The following TAFA5 variants were observed in gnomAD, a reference collection of about 807,000 sequenced individuals.
The protein encoded by TAFA5 is TAFA chemokine like family member 5.
TAFA5 carries 6 observed loss-of-function variants against 15.3 expected under a neutral mutation model. The observed-to-expected ratio is 0.39, with a 90% CI of 0.21 to 0.77. TAFA5 has a LOEUF of 0.77. TAFA5 is among the 30% of genes least tolerant of loss of function. The pLI, the probability that TAFA5 is intolerant of heterozygous loss-of-function variation, is 0.41. For missense variants in TAFA5, 161 were observed against 193.1 expected, an observed-to-expected ratio of 0.83 and a Z score of 0.98; for synonymous variants, 103 against 80.7, an observed-to-expected ratio of 1.28 and a Z score of -1.48.
chr22:48,502,903 T>C (rs1281315965), intron 1 of TAFA5, among the ~76,000 whole-genome samples: 1 of 152,222 alleles, frequency 6.6e-6, no homozygotes, highest in Non-Finnish European at 1.5e-5. Flanking sequence ...CATTCCCTGA[T>C]AGCACATCCC....
intron 1 of TAFA5, chr22:48,576,332 G>T: frequency 2.5e-6 from 3 of 1,208,802 alleles, no homozygotes; most frequent in Non-Finnish European, 2.1e-6. Flanking sequence ...TCCCGGAGTG[G>T]CGCCTCCAGT....
At chr22:48,656,273 C>T (rs917041041) in intron 2 of TAFA5, among the ~76,000 whole-genome samples, 9 of 151,980 alleles carry the variant, frequency 5.9e-5, no homozygotes, top group African/African-American at 2.2e-4. Flanking sequence ...TGTGAATTGA[C>T]TTGTAATACT....
At chr22:48,746,343 C>A (rs1930327823) in intron 3 of TAFA5, among the ~76,000 whole-genome samples, 1 of 152,110 alleles carries the variant, frequency 6.6e-6, no homozygotes, top group Non-Finnish European at 1.5e-5. Context: ...GAGACATTGA[C>A]ATCAGCTGGA....
rs184305475 is a variant in TAFA5, at chr22:48,746,433, G to A, written c.391-3406G>A. On this transcript the variant is annotated intron_variant, in intron 3 of 3. Coordinates refer to ENST00000402357, the MANE Select transcript of TAFA5 (RefSeq NM_001082967.3). ...GGCTTGAGCCCAGGAGTTCAAGGCTGCAGTGAGCTGCAATCGCACCACTGC... is the reference window on the plus strand; with the variant it reads ...GGCTTGAGCCCAGGAGTTCAAGGCTACAGTGAGCTGCAATCGCACCACTGC... 4.3e-3 allele frequency among the ~76,000 whole-genome samples: 650 copies of A among 152,220 alleles called. 7 individuals carry two copies. Among genetic ancestry groups the A allele is most frequent in the African/African-American group, 0.013 (549 of 41,536 alleles).
chr22:48,718,044 T>A (rs1309922736), intron 3 of TAFA5, among the ~76,000 whole-genome samples: 1 of 152,164 alleles, frequency 6.6e-6, no homozygotes, highest in Non-Finnish European at 1.5e-5. Flanking sequence ...AGGTGGGCTG[T>A]GGAGCTCGTG....
At chr22:48,548,412 A>AT (rs780536829) in intron 1 of TAFA5, among the ~76,000 whole-genome samples, 41 of 152,150 alleles carry the variant, frequency 2.7e-4, no homozygotes, top group Non-Finnish European at 4.7e-4. Flanking sequence ...ACCAGTATAT[A>AT]TTTTTTGAGA....
intron 1 of TAFA5, among the ~76,000 whole-genome samples, chr22:48,496,845 A>G (rs1928343700): frequency 2.0e-5 from 3 of 152,168 alleles, no homozygotes; most frequent in South Asian, 2.1e-4. Flanking sequence ...CAGCATCTTC[A>G]TGCTTGGTTC....
rs371245625 is a variant in TAFA5, at chr22:48,693,403, G to A, written c.263-14314G>A. ...CCAGGTGAGTCGGAGATCCGTGCGCGTCATAGTGCAGCCCGTGCAGGCAGT... is the reference window on the plus strand; with the variant it reads ...CCAGGTGAGTCGGAGATCCGTGCGCATCATAGTGCAGCCCGTGCAGGCAGT... On this transcript the variant is annotated intron_variant, in intron 2 of 3. Transcript: ENST00000402357. 8.1e-4 allele frequency: 1,313 copies of A among 1,612,238 alleles called. 26 individuals are homozygous for A. The South Asian group carries it at 0.013, about 16-fold the overall frequency.
chr22:48,750,087 T>G lies in TAFA5; in HGVS notation c.*240T>G. On this transcript the variant is annotated 3_prime_UTR_variant, in exon 4 of 4. Coordinates refer to ENST00000402357, the MANE Select transcript of TAFA5 (RefSeq NM_001082967.3). ...GGGGGGCGGCACCTGGCATCAGCAA[T>G]ACGCAGTCTGTGGGAGCCCGGCCGC... 1 of 574,032 alleles carries G rather than the reference T, an allele frequency of 1.7e-6. No homozygotes were observed. The highest frequency in any genetic ancestry group is 3.1e-6 in the Non-Finnish European group (1 of 321,622). The allele number at this position is 574,032 out of a possible 1,614,324, so 35.6% of individuals were successfully genotyped here.
At chr22:48,602,269 A>G (rs375859157) in intron 1 of TAFA5, among the ~76,000 whole-genome samples, 14 of 152,350 alleles carry the variant, frequency 9.2e-5, no homozygotes, top group African/African-American at 2.9e-4. Context: ...AGAGGAATGT[A>G]CAGGCACCCA....
At chr22:48,588,559 G>A (rs904874740) in intron 1 of TAFA5, among the ~76,000 whole-genome samples, 1 of 152,190 alleles carries the variant, frequency 6.6e-6, no homozygotes, top group Non-Finnish European at 1.5e-5. Flanking sequence ...TGTTGGACTC[G>A]AAGTGGGTCC....
intron 3 of TAFA5, among the ~76,000 whole-genome samples, chr22:48,719,833 A>C (rs781505748): frequency 1.3e-5 from 2 of 152,176 alleles, no homozygotes; most frequent in Non-Finnish European, 2.9e-5. Flanking sequence ...GTAAACAAAA[A>C]CGTATATGGC....
At chr22:48,537,361 AG>A (rs949338213) in intron 1 of TAFA5, among the ~76,000 whole-genome samples, 2 of 152,222 alleles carry the variant, frequency 1.3e-5, no homozygotes, top group African/African-American at 4.8e-5. Flanking sequence ...ATGGGAGCTC[AG>A]GGTGGCGTTC....
intron 2 of TAFA5, among the ~76,000 whole-genome samples, chr22:48,700,891 C>T (rs973115997): frequency 5.9e-5 from 9 of 152,226 alleles, no homozygotes; most frequent in Admixed American, 2.0e-4. Context: ...ACACACCCTG[C>T]TGGATTTTGA....
At chr22:48,646,854 G>A (rs1926884979) in intron 2 of TAFA5, 108 bp downstream of exon 2, 5 of 1,339,176 alleles carry the variant, frequency 3.7e-6, no homozygotes, top group South Asian at 2.9e-5. Flanking sequence ...AGGCCTCAGC[G>A]CATCCTCGGG....
chr22:48,518,209 C>T (rs769951475), intron 1 of TAFA5, among the ~76,000 whole-genome samples: 4 of 152,214 alleles, frequency 2.6e-5, no homozygotes, highest in African/African-American at 4.8e-5. Context: ...CAGGAGCCCA[C>T]GTGGGATCTG....
chr22:48,644,400 T>A (rs1296463009), intron 1 of TAFA5, among the ~76,000 whole-genome samples: 1 of 152,220 alleles, frequency 6.6e-6, no homozygotes, highest in Non-Finnish European at 1.5e-5. Context: ...CACTGGGCTC[T>A]GCAGCCTGGC....
chr22:48,509,016 G>C (rs1266440198), intron 1 of TAFA5, among the ~76,000 whole-genome samples: 1 of 152,088 alleles, frequency 6.6e-6, no homozygotes. Context: ...CTATTTCTAT[G>C]AGCTCAGTAT....
intron 2 of TAFA5, among the ~76,000 whole-genome samples, chr22:48,661,672 G>T (rs1401689283): frequency 2.0e-5 from 3 of 152,162 alleles, no homozygotes; most frequent in Non-Finnish European, 4.4e-5. Context: ...GATGCCGGGG[G>T]CTCGTTCCCC....
Sources: allele counts gnomAD v4.1 joint callset (sites outside exome capture counted in the v4.1 genomes callset), GRCh38; gene constraint gnomAD v4.1.1; transcripts MANE v1.5; gene names NCBI Gene and HGNC (gene_info 2026-07-23, HGNC 2026-07-21).